DPYD: variants seen among roughly 807,000 people sequenced by gnomAD.
DPYD encodes the protein dihydropyrimidine dehydrogenase [NADP(+)].
A neutral mutation model predicts 116.2 loss-of-function variants in DPYD; 109 were observed. The observed-to-expected ratio is 0.94, with a 90% confidence interval of 0.80 to 1.10. The LOEUF (loss-of-function observed/expected upper bound fraction) is 1.10. Ranked by LOEUF, DPYD falls within the 50% of genes least tolerant of loss-of-function variation. The probability of loss-of-function intolerance (pLI) is 0.00; values close to 1 mark genes in which losing one functional copy is unlikely to be tolerated. For synonymous variants in DPYD, 440 were observed against 432.0 expected (o/e 1.02, Z -0.23); for missense variants, 1,302 against 1,254.5 (o/e 1.04, Z -0.57).
In DPYD at chr1:97,293,556, C is replaced by A. The variant is rs189745034; in HGVS notation, c.2299+11703G>T. ...AAAGCTCCCAGCATCTGACATCTAA[C>A]ACATAGTAAGATGGCCTATATTCTA... On this transcript the variant is annotated intron_variant, in intron 18 of 22. Coordinates refer to ENST00000370192, the MANE Select transcript of DPYD (RefSeq NM_000110.4). 8.7e-4 allele frequency among the ~76,000 whole-genome samples: 133 copies of A among 152,296 alleles called. 2 individuals carry two copies. Among genetic ancestry groups the A allele is most frequent in the African/African-American group, 3.1e-3 (130 of 41,558 alleles).
chr1:97,246,976 T>A (rs1662762607), intron 18 of DPYD, among the ~76,000 whole-genome samples: 1 of 152,150 alleles, frequency 6.6e-6, no homozygotes, highest in South Asian at 2.1e-4. Context: ...CATGTCCCTG[T>A]CTGCAGCCTT....
At chr1:97,860,632 C>T (rs776930374) in intron 2 of DPYD, among the ~76,000 whole-genome samples, 35 of 152,126 alleles carry the variant, frequency 2.3e-4, no homozygotes, top group Non-Finnish European at 4.1e-4. Flanking sequence ...TCTCAGTGCA[C>T]AACGACATTC....
At chr1:97,510,936 A>G (rs952605635) in intron 13 of DPYD, among the ~76,000 whole-genome samples, 1 of 151,906 alleles carries the variant, frequency 6.6e-6, no homozygotes, top group African/African-American at 2.4e-5. Flanking sequence ...TTATGAAGAG[A>G]TAGAGAGAAA....
At chr1:97,616,480 C>A (rs1030246595) in intron 8 of DPYD, among the ~76,000 whole-genome samples, 1 of 152,052 alleles carries the variant, frequency 6.6e-6, no homozygotes, top group African/African-American at 2.4e-5. Flanking sequence ...CATTAAAAGA[C>A]CAGAGAGACC....
chr1:97,604,697 A>C (rs891977552), intron 8 of DPYD, among the ~76,000 whole-genome samples: 5 of 152,262 alleles, frequency 3.3e-5, no homozygotes, highest in African/African-American at 1.2e-4. Flanking sequence ...TTAAAATCAC[A>C]GTACTTTTCT....
At chr1:97,200,530 T>G (rs1199565500) in intron 19 of DPYD, among the ~76,000 whole-genome samples, 1 of 152,148 alleles carries the variant, frequency 6.6e-6, no homozygotes, top group Non-Finnish European at 1.5e-5. Context: ...ATCCAATTCT[T>G]AAAGCTTTCT....
At chr1:97,487,996 T>C (rs1678745697) in intron 13 of DPYD, among the ~76,000 whole-genome samples, 1 of 152,098 alleles carries the variant, frequency 6.6e-6, no homozygotes, top group South Asian at 2.1e-4. Context: ...ACTTTATTTG[T>C]AGTAACAAAA....
At chr1:97,338,493 G>T (rs1457466568) in intron 16 of DPYD, among the ~76,000 whole-genome samples, 1 of 152,154 alleles carries the variant, frequency 6.6e-6, no homozygotes, top group Non-Finnish European at 1.5e-5. Flanking sequence ...TATGCCGGTG[G>T]AGCTTCGATC....
At chr1:97,560,431 T>C (rs1357952977) in intron 11 of DPYD, among the ~76,000 whole-genome samples, 2 of 151,978 alleles carry the variant, frequency 1.3e-5, no homozygotes, top group Admixed American at 1.3e-4. Flanking sequence ...AACAGAATTC[T>C]GAAGTTATGG....
At chr1:97,430,113 T>C (rs905846681) in intron 14 of DPYD, among the ~76,000 whole-genome samples, 47 of 152,168 alleles carry the variant, frequency 3.1e-4, no homozygotes, top group African/African-American at 1.1e-3. Context: ...GTTACGTTTA[T>C]TGAGAATGCT....
intron 10 of DPYD, among the ~76,000 whole-genome samples, chr1:97,574,552 A>C (rs1056923346): frequency 5.3e-5 from 8 of 152,132 alleles, no homozygotes; most frequent in African/African-American, 1.9e-4. Flanking sequence ...GAGGACAGCG[A>C]AACAAGCATG....
intron 18 of DPYD, among the ~76,000 whole-genome samples, chr1:97,286,677 C>G (rs1024438017): frequency 2.0e-5 from 3 of 152,208 alleles, no homozygotes; most frequent in African/African-American, 7.2e-5. Flanking sequence ...ATTTCATCTT[C>G]CATCACTGAT....
chr1:97,216,027 T>C (rs1238041478), intron 19 of DPYD, among the ~76,000 whole-genome samples: 1 of 152,224 alleles, frequency 6.6e-6, no homozygotes, highest in Non-Finnish European at 1.5e-5. Context: ...AGGCTACTGA[T>C]AAGTGATTTT....
chr1:97,327,248 T>C (rs1013845922), intron 16 of DPYD, among the ~76,000 whole-genome samples: 1 of 152,066 alleles, frequency 6.6e-6, no homozygotes, highest in Non-Finnish European at 1.5e-5. Flanking sequence ...AAATTATCCC[T>C]AGCAACAGAT....
chr1:97,374,175 T>C (rs1010948913), intron 15 of DPYD, among the ~76,000 whole-genome samples: 2 of 152,196 alleles, frequency 1.3e-5, no homozygotes, highest in Admixed American at 6.5e-5. Context: ...AAATGTAAAA[T>C]GTTTTTAACA....
intron 8 of DPYD, among the ~76,000 whole-genome samples, chr1:97,658,027 C>T (rs1322190687): frequency 1.3e-5 from 2 of 152,084 alleles, no homozygotes; most frequent in Non-Finnish European, 2.9e-5. Context: ...AAAAGGTATT[C>T]AGTTGCTTGT....
At chr1:97,471,358 T>C (rs1026638140) in intron 13 of DPYD, among the ~76,000 whole-genome samples, 1 of 152,136 alleles carries the variant, frequency 6.6e-6, no homozygotes, top group Non-Finnish European at 1.5e-5. Flanking sequence ...ATATCTTGGA[T>C]ACAGAATCAA....
chr1:97,444,245 T>A (rs1159572716), intron 14 of DPYD, among the ~76,000 whole-genome samples: 1 of 152,208 alleles, frequency 6.6e-6, no homozygotes, highest in Non-Finnish European at 1.5e-5. Context: ...CACATATTCT[T>A]AATTTCTCAG....
chr1:97,395,710 G>A (rs1232925010), intron 14 of DPYD, among the ~76,000 whole-genome samples: 1 of 152,164 alleles, frequency 6.6e-6, no homozygotes, highest in South Asian at 2.1e-4. Flanking sequence ...GGTGTGCGCT[G>A]ATTTTGTGAC....
Sources: gnomAD v4.1 joint callset for allele counts (sites outside exome capture counted in the v4.1 genomes callset) on GRCh38, gnomAD v4.1.1 for gene constraint, MANE v1.5 for transcripts, NCBI Gene and HGNC (gene_info 2026-07-23, HGNC 2026-07-21) for gene names.